The following SYT1 variants were observed in gnomAD, a reference collection of about 807,000 sequenced individuals.
SYT1 encodes synaptotagmin-1.
In SYT1, 8 loss-of-function variants were observed where a neutral mutation model predicts 44.8. The observed-to-expected ratio is 0.18, with a 90% CI of 0.10 to 0.32. The LOEUF is 0.32. SYT1 is among the 10% of genes least tolerant of loss of function. The pLI is 1.00. For missense variants in SYT1, 286 were observed against 509.3 expected (o/e 0.56, Z 4.22); for synonymous variants, 154 against 188.8 (o/e 0.82, Z 1.51).
chr12:78,968,047 C>G (rs959147850), intron 1 of SYT1, among the ~76,000 whole-genome samples: 7 of 151,828 alleles, frequency 4.6e-5, no homozygotes, highest in Non-Finnish European at 8.8e-5. Context: ...ACCTAGATTA[C>G]TAAAGATTAC....
intron 3 of SYT1, among the ~76,000 whole-genome samples, chr12:79,110,609 C>G (rs1878960498): frequency 1.3e-5 from 2 of 152,146 alleles, no homozygotes; most frequent in South Asian, 4.1e-4. Flanking sequence ...CATTGGTTAA[C>G]AAGACAGATT....
chr12:78,933,575 C>A (rs35421614), intron 1 of SYT1, among the ~76,000 whole-genome samples: 13,823 of 152,028 alleles, frequency 0.091, 722 homozygotes, highest in East Asian at 0.18. Flanking sequence ...AGTTCAAGAC[C>A]ATTTAAAAAA....
chr12:79,410,675 G>T (rs1316501369), intron 9 of SYT1, among the ~76,000 whole-genome samples: 1 of 151,890 alleles, frequency 6.6e-6, no homozygotes. Flanking sequence ...TATTTTCACT[G>T]GTTTTAAAAC....
At chr12:78,914,016 T>C (rs944807592) in intron 1 of SYT1, among the ~76,000 whole-genome samples, 2 of 151,872 alleles carry the variant, frequency 1.3e-5, no homozygotes, top group African/African-American at 4.8e-5. Flanking sequence ...ATACAGATAA[T>C]AATTTTTACC....
At chr12:79,311,239 T>A (rs1294584376) in intron 8 of SYT1, among the ~76,000 whole-genome samples, 1 of 152,156 alleles carries the variant, frequency 6.6e-6, no homozygotes, top group Non-Finnish European at 1.5e-5. Flanking sequence ...AAAGAAGACA[T>A]TTATGCAGCC....
intron 1 of SYT1, among the ~76,000 whole-genome samples, chr12:78,930,728 C>T (rs550753544): frequency 6.6e-5 from 10 of 151,874 alleles, no homozygotes; most frequent in African/African-American, 2.2e-4. Context: ...ATTTGATCTA[C>T]TGAATGTAAT....
intron 4 of SYT1, among the ~76,000 whole-genome samples, chr12:79,274,073 A>G (rs905577268): frequency 1.3e-5 from 2 of 152,104 alleles, no homozygotes; most frequent in Admixed American, 1.3e-4. Context: ...ACAAAGCAAG[A>G]CTCCGTCTGA....
chr12:79,211,978 A>C (rs913858392), intron 3 of SYT1, among the ~76,000 whole-genome samples: 1 of 152,162 alleles, frequency 6.6e-6, no homozygotes, highest in African/African-American at 2.4e-5. Context: ...TTTAATTTGC[A>C]GTTCTTTATT....
chr12:79,332,624 G>T (rs1020988197), intron 8 of SYT1, among the ~76,000 whole-genome samples: 1 of 152,138 alleles, frequency 6.6e-6, no homozygotes, highest in Admixed American at 6.5e-5. Context: ...TATGCAGATG[G>T]GACATCTTCA....
intron 3 of SYT1, among the ~76,000 whole-genome samples, chr12:79,187,471 A>T (rs1872870163): frequency 6.6e-6 from 1 of 152,096 alleles, no homozygotes. Context: ...AACAGCTGAC[A>T]AGCACCTGGG....
At chr12:79,230,130 A>G (rs1354161101) in intron 4 of SYT1, among the ~76,000 whole-genome samples, 4 of 152,208 alleles carry the variant, frequency 2.6e-5, no homozygotes, top group Non-Finnish European at 5.9e-5. Context: ...AACCCTTTCT[A>G]TAATTATCTG....
At chr12:79,152,817 TG>T (rs1452512256) in intron 3 of SYT1, among the ~76,000 whole-genome samples, 1 of 151,440 alleles carries the variant, frequency 6.6e-6, no homozygotes, top group Non-Finnish European at 1.5e-5. Flanking sequence ...GCTTTCATTT[TG>T]GGTCCAAACT....
intron 1 of SYT1, among the ~76,000 whole-genome samples, chr12:78,883,139 G>A (rs186510135): frequency 4.0e-5 from 6 of 151,604 alleles, no homozygotes; most frequent in African/African-American, 7.2e-5. Context: ...TAATTTCTTC[G>A]AACAGTAATA....
At chr12:79,326,627 T>G (rs1881619558) in intron 8 of SYT1, among the ~76,000 whole-genome samples, 1 of 152,244 alleles carries the variant, frequency 6.6e-6, no homozygotes. Context: ...ACCATCTTCC[T>G]GCTAATCACT....
rs941457249 is a variant in SYT1, at chr12:79,342,590, G to C, written c.811-10912G>C. 2.0e-5 allele frequency among the ~76,000 whole-genome samples: 3 copies of C among 152,308 alleles called. No individual in the cohort carries two copies. In the South Asian group the frequency reaches 6.2e-4, roughly 32 times the overall value. On this transcript the variant is annotated intron_variant, in intron 8 of 10. Coordinates refer to ENST00000261205, the MANE Select transcript of SYT1 (RefSeq NM_005639.3). ...GTAAATTTCAGGAAACCAATTAAGA[G>C]GGTATTGGAGTAATCTATATGAGAG...
intron 2 of SYT1, among the ~76,000 whole-genome samples, chr12:79,039,026 C>T (rs1873330730): frequency 6.6e-6 from 1 of 152,066 alleles, no homozygotes; most frequent in South Asian, 2.1e-4. Flanking sequence ...TTGTCTTCCT[C>T]CCCAAAAATG....
At chr12:79,161,720 A>G (rs1025000973) in intron 3 of SYT1, among the ~76,000 whole-genome samples, 3 of 152,160 alleles carry the variant, frequency 2.0e-5, no homozygotes, top group African/African-American at 7.2e-5. Flanking sequence ...CTAGTAAGTG[A>G]CTGAGTAGGG....
chr12:79,089,447 T>C (rs1327502746), intron 3 of SYT1, among the ~76,000 whole-genome samples: 1 of 149,042 alleles, frequency 6.7e-6, no homozygotes. Flanking sequence ...CTGCCTAGCA[T>C]GGTACCTGGT....
intron 9 of SYT1, among the ~76,000 whole-genome samples, chr12:79,434,456 C>T (rs751557383): frequency 2.0e-5 from 3 of 152,182 alleles, no homozygotes; most frequent in Non-Finnish European, 2.9e-5. Context: ...TAAAGACCCC[C>T]TCAAGTAAAT....
Sources: gnomAD v4.1 joint callset for allele counts (sites outside exome capture counted in the v4.1 genomes callset) on GRCh38, gnomAD v4.1.1 for gene constraint, MANE v1.5 for transcripts, NCBI Gene and HGNC (gene_info 2026-07-23, HGNC 2026-07-21) for gene names.